Variants in PIMREG observed in about 807,000 individuals in gnomAD.
The protein encoded by PIMREG is PICALM interacting mitotic regulator, also known as protein PIMREG.
In PIMREG, 19 loss-of-function variants were observed where a neutral mutation model predicts 24.3. The ratio of observed to expected loss-of-function variants is 0.78; its 90% CI spans 0.54 to 1.15. PIMREG has a LOEUF of 1.15. PIMREG is among the 50% of genes most tolerant of loss of function. The pLI, the probability that PIMREG is intolerant of heterozygous loss-of-function variation, is 0.00. For missense variants in PIMREG, 283 were observed against 306.8 expected (o/e 0.92, Z 0.58); for synonymous variants, 112 against 124.1 (o/e 0.90, Z 0.65).
In PIMREG at chr17:6,450,141, G is replaced by C. The variant is rs920230362; in HGVS notation, c.*14+69G>C. The stretch of plus-strand genomic sequence containing the variant: ...CCATCTCATGCATGAGCAAGTTAAA[G>C]AAAAAGCCCACAGAGCTGATGGGCA... On this transcript the variant is annotated intron_variant, in intron 5 of 5. Transcript: ENST00000572447. The C allele has an allele frequency of 3.9e-6, 6 of 1,536,082 alleles. No homozygotes were observed. The African/African-American group carries it at 8.2e-5, about 21-fold the overall frequency.
chr17:6,448,427 A>AT (rs1404998851), intron 3 of PIMREG, among the ~76,000 whole-genome samples: 2 of 151,844 alleles, frequency 1.3e-5, no homozygotes, highest in African/African-American at 2.4e-5. Context: ...GGGCTGTTGA[A>AT]TTTTTCCCCA....
chr17:6,448,153 C>G lies in PIMREG; in HGVS notation c.590+395C>G, dbSNP rs1185207183. On this transcript the variant is annotated intron_variant, in intron 3 of 5. Coordinates refer to ENST00000572447, the MANE Select transcript of PIMREG (RefSeq NM_019013.3). ...ACAAAATTGGCTGGGCGTGGTGGTG[C>G]ACGCCTGTAATCCCAGCTCCTTGGG... Among the ~76,000 whole-genome samples the G allele has an allele frequency of 3.3e-5, 5 of 151,814 alleles. No homozygotes were observed. In the South Asian group the frequency reaches 6.2e-4, roughly 19 times the overall value.
chr17:6,449,244 C>A, intron 3 of PIMREG, 68 bp from the exon 4 acceptor site: 1 of 1,385,872 alleles, frequency 7.2e-7, no homozygotes. Flanking sequence ...CACCCCGGTA[C>A]CGGGTTGCAA....
chr17:6,448,648 G>A (rs964389806), intron 3 of PIMREG, among the ~76,000 whole-genome samples: 1 of 152,200 alleles, frequency 6.6e-6, no homozygotes, highest in Admixed American at 6.5e-5. Context: ...AAGCTGGCCT[G>A]CCTTGCAGAA....
chr17:6,449,979 C>T (rs765933163), intron 4 of PIMREG, 49 bp from the exon 5 acceptor site: 3 of 1,587,238 alleles, frequency 1.9e-6, no homozygotes, highest in Non-Finnish European at 1.7e-6. Flanking sequence ...GGAGGGCCCT[C>T]TCAGAGCCCA....
At chr17:6,445,431 T>C in intron 2 of PIMREG, 27 bp downstream of exon 2, 35 of 1,575,106 alleles carry the variant, frequency 2.2e-5, no homozygotes, top group Non-Finnish European at 3.0e-5. Flanking sequence ...TAATCATCTT[T>C]TTTATGGAGT....
Position 6,447,793 on chromosome 17 carries a change from G to A in PIMREG, c.590+35G>A, listed in dbSNP as rs368256466. 2,387 of 1,553,864 alleles carry A rather than the reference G, an allele frequency of 1.5e-3. 58 individuals are homozygous for A. The South Asian group carries it at 0.027, about 18-fold the overall frequency. On this transcript the variant is annotated intron_variant, in intron 3 of 5. Coordinates refer to ENST00000572447, the MANE Select transcript of PIMREG (RefSeq NM_019013.3). ...ATAGTGCTTCACCCCGGGGCTGGTG[G>A]CCTTTTAACCTGGGCACAATCCCTG...
Position 6,449,231 on chromosome 17 carries a change from C to A in PIMREG, c.591-81C>A, listed in dbSNP as rs1198087193. On this transcript the variant is annotated intron_variant, in intron 3 of 5. Coordinates refer to ENST00000572447, the MANE Select transcript of PIMREG (RefSeq NM_019013.3). Reference sequence around the variant, plus strand: ...CGCCAGGGTCATCTGGGCCCACAGACCACACCCCGGTACCGGGTTGCAAGG... The same window carrying A: ...CGCCAGGGTCATCTGGGCCCACAGAACACACCCCGGTACCGGGTTGCAAGG... 4.8e-6 allele frequency: 6 copies of A among 1,259,796 alleles called. No individual in the cohort carries two copies. In the South Asian group the frequency reaches 8.5e-5, roughly 18 times the overall value. 78.0% of individuals were successfully genotyped at this position (1,259,796 alleles called of 1,614,324 possible). A position where few individuals can be genotyped will look rare whatever the true frequency, so the allele number is the denominator to read the frequency against.
rs1009138307 is a variant in PIMREG, at chr17:6,444,845, G to A, written c.-35-231G>A. Among the ~76,000 whole-genome samples, 12 of 152,002 alleles carry A rather than the reference G, an allele frequency of 7.9e-5. No homozygotes were observed. Among genetic ancestry groups the A allele is most frequent in the African/African-American group, 2.9e-4 (12 of 41,358 alleles). Reference sequence around the variant, plus strand: ...TGAGCCAGAGAGAGGAAGGAGGTTGGGATGAAAAGACAGCTGTTTTGGAAA... The same window carrying A: ...TGAGCCAGAGAGAGGAAGGAGGTTGAGATGAAAAGACAGCTGTTTTGGAAA... On this transcript the variant is annotated intron_variant, in intron 1 of 5. Coordinates refer to ENST00000572447, the MANE Select transcript of PIMREG (RefSeq NM_019013.3). The surrounding 1 kb of genome is among the most constrained non-coding windows in gnomAD (Gnocchi z 4.3).
chr17:6,449,180 G>A, intron 3 of PIMREG, 132 bp from the exon 4 acceptor site: 1 of 625,416 alleles, frequency 1.6e-6, no homozygotes, highest in African/African-American at 1.9e-5. Flanking sequence ...ACCTCCTGGA[G>A]TGAGGGTCTG....
chr17:6,445,900 A>G (rs143005086), intron 2 of PIMREG, among the ~76,000 whole-genome samples: 1 of 152,374 alleles, frequency 6.6e-6, no homozygotes, highest in African/African-American at 2.4e-5. Context: ...CAGATGACAG[A>G]GAGCAAGGTA....
In PIMREG at chr17:6,451,305, G is replaced by A. The variant is rs1913821487; in HGVS notation, c.*958G>A. ...TTTATTTAAGTGACAACATTTGAGA[G>A]CTAAAAACCAGCTCACATCAAAATC... On this transcript the variant is annotated 3_prime_UTR_variant, in exon 6 of 6. Transcript: ENST00000572447. The A allele has an allele frequency of 6.6e-6, 1 of 152,210 alleles. No individual in the cohort carries two copies. Among genetic ancestry groups the A allele is most frequent in the Non-Finnish European group, 1.5e-5 (1 of 68,034 alleles). The allele number at this position is 152,210 out of a possible 1,614,324, so 9.4% of individuals were successfully genotyped here. A position where few individuals can be genotyped will look rare whatever the true frequency, so the allele number is the denominator to read the frequency against.
In PIMREG at chr17:6,445,448, T is replaced by TA. The variant is rs1913537213; in HGVS notation, c.294+44_294+45insA. 3.2e-6 allele frequency: 5 copies of TA among 1,555,850 alleles called. 1 individual carries two copies. Among genetic ancestry groups the TA allele is most frequent in the Non-Finnish European group, 4.4e-6 (5 of 1,147,036 alleles). The stretch of plus-strand genomic sequence containing the variant: ...ATCATCTTTTTTATGGAGTGTTTCC[T>TA]TGGTGCCAGGCAGTTCCTGCCCTCA... On this transcript the variant is annotated intron_variant, in intron 2 of 5. Transcript: ENST00000572447.
Position 6,449,292 on chromosome 17 carries a change from T to C in PIMREG, c.591-20T>C, listed in dbSNP as rs1913710549. Reference sequence around the variant, plus strand: ...GGGAGTTTCCAACTAGTCACTGGTGTGGCTTTTTCTTTCATGCAGCGAGTC... The same window carrying C: ...GGGAGTTTCCAACTAGTCACTGGTGCGGCTTTTTCTTTCATGCAGCGAGTC... On this transcript the variant is annotated intron_variant, in intron 3 of 5. Transcript: ENST00000572447. The C allele has an allele frequency of 3.1e-6, 5 of 1,600,782 alleles. No homozygotes were observed. The highest frequency in any genetic ancestry group is 1.7e-5 in the Admixed American group (1 of 57,544).
intron 4 of PIMREG, 81 bp downstream of exon 4, chr17:6,449,488 C>A: frequency 7.7e-7 from 1 of 1,306,356 alleles, no homozygotes; most frequent in Non-Finnish European, 1.1e-6. Context: ...GTTGGTTCTG[C>A]TCTGACCTGC....
chr17:6,450,270 C>A, intron 5 of PIMREG, 92 bp from the exon 6 acceptor site: 1 of 1,296,260 alleles, frequency 7.7e-7, no homozygotes, highest in Non-Finnish European at 1.1e-6. Context: ...CTACAGCCAC[C>A]TTCCAGCACC....
Position 6,445,064 on chromosome 17 carries a change from C to T in PIMREG, c.-35-12C>T, listed in dbSNP as rs1913518258. On this transcript the variant is annotated splice_polypyrimidine_tract_variant and intron_variant, in intron 1 of 5. Transcript: ENST00000572447. ...AATGCCTTGCTGATCTGCCTTTCGC[C>T]CTCCTCCCCAGGGTCTAGTGGACAG... 1 of 1,509,752 alleles carries T rather than the reference C, an allele frequency of 6.6e-7. No individual in the cohort carries two copies. The highest frequency in any genetic ancestry group is 8.9e-7 in the Non-Finnish European group (1 of 1,128,838). The allele number at this position is 1,509,752 out of a possible 1,614,324, so 93.5% of individuals were successfully genotyped here.
At chr17:6,447,113 G>GT (rs1913604945) in intron 2 of PIMREG, among the ~76,000 whole-genome samples, 6 of 146,362 alleles carry the variant, frequency 4.1e-5, no homozygotes, top group East Asian at 2.0e-4. Context: ...TTTTTTTGTT[G>GT]TTGTTTGTTT....
intron 3 of PIMREG, among the ~76,000 whole-genome samples, chr17:6,448,869 G>A (rs942028818): frequency 7.2e-5 from 11 of 152,194 alleles, no homozygotes; most frequent in African/African-American, 2.7e-4. Context: ...GCTAAAATAA[G>A]GCTTGTGTAC....
Sources: gnomAD v4.1 joint callset for allele counts (sites outside exome capture counted in the v4.1 genomes callset) on GRCh38, gnomAD v4.1.1 for gene constraint, Gnocchi (gnomAD v3.1) non-coding constraint, MANE v1.5 for transcripts, NCBI Gene and HGNC (gene_info 2026-07-23, HGNC 2026-07-21) for gene names.